Variants in KAT6A observed in about 807,000 individuals in gnomAD.
The protein encoded by KAT6A is lysine acetyltransferase 6A, also known as histone acetyltransferase KAT6A.
KAT6A carries 9 observed loss-of-function variants against 198.4 expected under a neutral mutation model. The ratio of observed to expected loss-of-function variants is 0.05; its 90% CI spans 0.03 to 0.08. KAT6A has a LOEUF of 0.08. KAT6A is among the 10% of genes least tolerant of loss of function. KAT6A has a pLI of 1.00. For synonymous variants in KAT6A, 890 were observed against 883.0 expected (o/e 1.01, Z -0.14); for missense variants, 2,077 against 2,509.9 (o/e 0.83, Z 3.69).
chr8:42,014,578 A>G (rs1826178387), intron 2 of KAT6A, among the ~76,000 whole-genome samples: 1 of 152,248 alleles, frequency 6.6e-6, no homozygotes, highest in Non-Finnish European at 1.5e-5. Flanking sequence ...ATATACCTTC[A>G]ATCCACTGTA....
chr8:41,929,982 T>A lies in KAT6A; in HGVS notation c.*2223A>T, dbSNP rs942923097. The A allele has an allele frequency of 1.6e-4, 35 of 219,634 alleles. No individual in the cohort carries two copies. The highest frequency in any genetic ancestry group is 7.2e-4 in the African/African-American group (32 of 44,708). The allele number at this position is 219,634 out of a possible 1,614,324, so 13.6% of individuals were successfully genotyped here. On this transcript the variant is annotated 3_prime_UTR_variant, in exon 17 of 17. Transcript: ENST00000265713. ...TATCTTGCTAAAAATACATTTTTTT[T>A]AAACAGAAGTGAAAAAATGACAGGT...
intron 2 of KAT6A, among the ~76,000 whole-genome samples, chr8:41,990,764 C>T (rs952824690): frequency 6.6e-6 from 1 of 152,046 alleles, no homozygotes; most frequent in Non-Finnish European, 1.5e-5. Flanking sequence ...CAGGCCAAGG[C>T]GGGCGGATCA....
chr8:41,981,973 T>C lies in KAT6A; in HGVS notation c.710-19A>G. 7.2e-7 allele frequency: 1 copy of C among 1,392,814 alleles called. No homozygotes were observed. The highest frequency in any genetic ancestry group is 1.2e-5 in the South Asian group (1 of 85,712). The allele number at this position is 1,392,814 out of a possible 1,614,324, so 86.3% of individuals were successfully genotyped here. ...GGATGGCCTAATACGAGGGAGAACA[T>C]TCATGAATGAAACAATCAAGAACTA... is the stretch of plus-strand genomic sequence containing the variant. On this transcript the variant is annotated intron_variant, in intron 3 of 16. Coordinates refer to ENST00000265713, the MANE Select transcript of KAT6A (RefSeq NM_006766.5).
Position 42,027,925 on chromosome 8 carries a change from T to C in KAT6A, c.600+20453A>G, listed in dbSNP as rs1332988797. On this transcript the variant is annotated intron_variant, in intron 2 of 16. Coordinates refer to ENST00000265713, the MANE Select transcript of KAT6A (RefSeq NM_006766.5). ...ATGGAGGCACTTATTGGCTGTAAAC[T>C]TCCCTCTTAACTCTGCTTTTGCTAT... is the stretch of plus-strand genomic sequence containing the variant. 3.9e-5 allele frequency among the ~76,000 whole-genome samples: 6 copies of C among 152,194 alleles called. No individual in the cohort carries two copies. The East Asian group carries it at 1.2e-3, about 29-fold the overall frequency.
At chr8:42,046,394 GGCGTGGTGGT>G (rs1169021805) in intron 2 of KAT6A, among the ~76,000 whole-genome samples, 1 of 151,914 alleles carries the variant, frequency 6.6e-6, no homozygotes, top group Non-Finnish European at 1.5e-5. Context: ...AAATTAGCCG[GGCGTGGTGGT>G]GCATGTCTGT....
chr8:41,948,111 A>G (rs1210466018), intron 10 of KAT6A, among the ~76,000 whole-genome samples, 199 bp from the exon 11 acceptor site: 1 of 152,246 alleles, frequency 6.6e-6, no homozygotes, highest in Non-Finnish European at 1.5e-5. Flanking sequence ...AACCAAATAT[A>G]TAAAACCTCA....
rs1003933808 is a variant in KAT6A, at chr8:41,981,016, A to G, written c.826-89T>C. The G allele has an allele frequency of 4.4e-6, 4 of 918,880 alleles. No individual in the cohort carries two copies. In the African/African-American group the frequency reaches 6.5e-5, roughly 15 times the overall value. 56.9% of individuals were successfully genotyped at this position (918,880 alleles called of 1,614,324 possible). A position where few individuals can be genotyped will look rare whatever the true frequency, so the allele number is the denominator to read the frequency against. The stretch of plus-strand genomic sequence containing the variant: ...GACTGCATAAAACCTAGAAAGCTTC[A>G]GGGATCTTAAAAAAAGAGATAAGCC... On this transcript the variant is annotated intron_variant, in intron 4 of 16. Coordinates refer to ENST00000265713, the MANE Select transcript of KAT6A (RefSeq NM_006766.5).
At chr8:42,044,079 C>T (rs373381007) in intron 2 of KAT6A, among the ~76,000 whole-genome samples, 1 of 151,232 alleles carries the variant, frequency 6.6e-6, no homozygotes, top group Non-Finnish European at 1.5e-5. Flanking sequence ...AAAAATTTCC[C>T]TTATAACATG....
At chr8:42,003,615 A>C (rs1825603898) in intron 2 of KAT6A, among the ~76,000 whole-genome samples, 1 of 151,858 alleles carries the variant, frequency 6.6e-6, no homozygotes, top group African/African-American at 2.4e-5. Flanking sequence ...GATTCTATTT[A>C]ATATCTTAGC....
Position 41,992,198 on chromosome 8 carries a change from T to TA in KAT6A, c.601-4636dup, listed in dbSNP as rs532312535. Reference sequence around the variant, plus strand: ...CCTAGCAACAGAGCGAGACTGTCTTTAAAAAAAAAAGAAAAAAAAAGGTAT... The same window carrying TA: ...CCTAGCAACAGAGCGAGACTGTCTTTAAAAAAAAAAAGAAAAAAAAAGGTAT... On this transcript the variant is annotated intron_variant, in intron 2 of 16. Coordinates refer to ENST00000265713, the MANE Select transcript of KAT6A (RefSeq NM_006766.5). Among the ~76,000 whole-genome samples the TA allele has an allele frequency of 1.4e-3, 194 of 142,696 alleles. 1 individual carries two copies. The highest frequency in any genetic ancestry group is 4.0e-3 in the Admixed American group (57 of 14,270). 93.6% of individuals were successfully genotyped at this position (142,696 alleles called of 152,430 possible).
At chr8:42,026,164 G>C (rs965543501) in intron 2 of KAT6A, among the ~76,000 whole-genome samples, 1 of 152,150 alleles carries the variant, frequency 6.6e-6, no homozygotes, top group African/African-American at 2.4e-5. Flanking sequence ...TGCTGAATTG[G>C]TTACTACAGC....
At chr8:41,976,464 T>C (rs1309778485) in intron 7 of KAT6A, among the ~76,000 whole-genome samples, 1 of 152,238 alleles carries the variant, frequency 6.6e-6, no homozygotes, top group African/African-American at 2.4e-5. Context: ...GCCTGATACA[T>C]AAGCAGCCTG....
At chr8:42,009,513 G>C (rs1825909080) in intron 2 of KAT6A, among the ~76,000 whole-genome samples, 1 of 151,658 alleles carries the variant, frequency 6.6e-6, no homozygotes, top group Non-Finnish European at 1.5e-5. Context: ...ATGTGACCCT[G>C]AGACGACTAA....
At chr8:42,040,757 A>AAAAAAG (rs1564083602) in intron 2 of KAT6A, among the ~76,000 whole-genome samples, 9 of 149,760 alleles carry the variant, frequency 6.0e-5, no homozygotes, top group African/African-American at 1.7e-4. Context: ...AAAAAAAAAA[A>AAAAAAG]AAAGAAAGAA....
At chr8:41,974,627 C>T in intron 8 of KAT6A, 77 bp downstream of exon 8, 1 of 862,224 alleles carries the variant, frequency 1.2e-6, no homozygotes, top group Non-Finnish European at 1.9e-6. Flanking sequence ...TACTGCTTAA[C>T]CCACAATGTA....
chr8:42,009,088 G>A (rs1349544012), intron 2 of KAT6A, among the ~76,000 whole-genome samples: 4 of 152,000 alleles, frequency 2.6e-5, no homozygotes, highest in African/African-American at 4.8e-5. Context: ...TTAATATCAC[G>A]CTCTCAAGTT....
At chr8:41,967,837 G>GAC (rs1823588415) in intron 8 of KAT6A, among the ~76,000 whole-genome samples, 3 of 152,054 alleles carry the variant, frequency 2.0e-5, no homozygotes, top group Admixed American at 6.6e-5. Flanking sequence ...ACAACTATCT[G>GAC]ATCTTTGACA....
intron 12 of KAT6A, 21 bp from the exon 13 acceptor site, chr8:41,944,000 C>T: frequency 1.9e-6 from 3 of 1,555,316 alleles, no homozygotes; most frequent in Non-Finnish European, 2.7e-6. Flanking sequence ...ACAAATAACT[C>T]AAATCAGAAC....
chr8:41,980,741 A>G (rs1401638176), intron 5 of KAT6A, 105 bp downstream of exon 5: 2 of 875,214 alleles, frequency 2.3e-6, no homozygotes, highest in Non-Finnish European at 1.9e-6. Context: ...TACAACCTCA[A>G]AAAGAAAGAT....
Sources: allele counts gnomAD v4.1 joint callset (sites outside exome capture counted in the v4.1 genomes callset), GRCh38; gene constraint gnomAD v4.1.1; transcripts MANE v1.5; gene names NCBI Gene and HGNC (gene_info 2026-07-23, HGNC 2026-07-21).